The following POLN variants were observed in gnomAD, a reference collection of about 807,000 sequenced individuals.
The protein encoded by POLN is DNA polymerase nu.
In POLN, 108 loss-of-function variants were observed where a neutral mutation model predicts 113.5. The ratio of observed to expected loss-of-function variants is 0.95; its 90% CI spans 0.81 to 1.12. The LOEUF (loss-of-function observed/expected upper bound fraction) is 1.12. Among genes scored for constraint, POLN ranks in the 50% most tolerant of loss-of-function variants. The pLI, the probability that POLN is intolerant of heterozygous loss-of-function variation, is 0.00. For synonymous variants in POLN, 386 were observed against 391.5 expected, an observed-to-expected ratio of 0.99 and a Z score of 0.17; for missense variants, 1,097 against 1,077.1, an observed-to-expected ratio of 1.02 and a Z score of -0.26.
intron 16 of POLN, among the ~76,000 whole-genome samples, chr4:2,138,214 T>C (rs1368478721): frequency 6.6e-6 from 1 of 152,178 alleles, no homozygotes; most frequent in African/African-American, 2.4e-5. Context: ...ATCTGTTGAA[T>C]GAATGATGAT....
Position 2,193,313 on chromosome 4 carries a change from G to A in POLN, c.912C>T (p.Asn304=), listed in dbSNP as rs755669567. 6 of 1,568,070 alleles carry A rather than the reference G, an allele frequency of 3.8e-6. No individual in the cohort carries two copies. The highest frequency in any genetic ancestry group is 2.8e-5 in the African/African-American group (2 of 71,752). The change falls in exon 7 of 26, where the codon AAC becomes AAT. Residue 304 remains asparagine (N), a synonymous_variant. Coordinates refer to ENST00000511885, the MANE Select transcript of POLN (RefSeq NM_181808.4). ...EQEAHQQFAR[N]VLFQTMKCKC... Reference sequence around the variant, plus strand: ...TACATTTCATTGTTTGAAATAGCACGTTCCTAGAAGATGAAAAGAAATTCA... The same window carrying A: ...TACATTTCATTGTTTGAAATAGCACATTCCTAGAAGATGAAAAGAAATTCA...
At chr4:2,238,637 T>C (rs1734851667) in intron 2 of POLN, 1 of 1,607,938 alleles carries the variant, frequency 6.2e-7, no homozygotes, top group Non-Finnish European at 8.5e-7. Context: ...ATCAATGGTA[T>C]TCCTTGGATT....
chr4:2,085,132 A>G (rs1421124007), intron 21 of POLN, among the ~76,000 whole-genome samples: 2 of 152,218 alleles, frequency 1.3e-5, no homozygotes, highest in Non-Finnish European at 2.9e-5. Flanking sequence ...TATTAGGAGT[A>G]TCATCAACTT....
intron 19 of POLN, among the ~76,000 whole-genome samples, chr4:2,121,450 A>G (rs56032649): frequency 8.3e-6 from 1 of 120,388 alleles, no homozygotes; most frequent in African/African-American, 3.0e-5. Flanking sequence ...AAAAAAAAAA[A>G]AAATATATAT....
chr4:2,145,967 T>C (rs371460562), intron 16 of POLN, among the ~76,000 whole-genome samples: 4 of 152,010 alleles, frequency 2.6e-5, no homozygotes, highest in African/African-American at 9.7e-5. Flanking sequence ...CACAGATAAA[T>C]CTCAAAAACA....
chr4:2,209,277 C>T (rs539949063), intron 4 of POLN, among the ~76,000 whole-genome samples: 5 of 151,868 alleles, frequency 3.3e-5, no homozygotes, highest in South Asian at 2.1e-4. Context: ...GTCAACAGTT[C>T]GAGACCATCC....
rs1316931041 is a variant in POLN, at chr4:2,208,072, T to A, written c.629A>T (p.Gln210Leu). The A allele has an allele frequency of 6.2e-7, 1 of 1,614,240 alleles. No homozygotes were observed. The highest frequency in any genetic ancestry group is 8.5e-7 in the Non-Finnish European group (1 of 1,180,028). Residue 210 changes from glutamine (Q) to leucine (L), a missense_variant, in exon 5 of 26, where the codon CAG becomes CTG. Coordinates refer to ENST00000511885, the MANE Select transcript of POLN (RefSeq NM_181808.4). ...TGCCTGTTTGAGCATTTCAATCAGC[T>A]GGCTTTTTGCCCAATCATCCAAATG... is the stretch of plus-strand genomic sequence containing the variant. ...IRHLDDWAKS[Q>L]LIEMLKQAAA... is the part of the protein sequence containing the mutation.
intron 19 of POLN, among the ~76,000 whole-genome samples, chr4:2,125,067 C>T (rs778412777): frequency 6.6e-6 from 1 of 152,094 alleles, no homozygotes; most frequent in Non-Finnish European, 1.5e-5. Flanking sequence ...GGTTTTTTGT[C>T]CCCCAGTAGA....
intron 13 of POLN, among the ~76,000 whole-genome samples, chr4:2,166,724 C>T (rs1196101675): frequency 6.6e-6 from 1 of 152,132 alleles, no homozygotes; most frequent in Non-Finnish European, 1.5e-5. Context: ...TCCAGACTCT[C>T]CCGTGTTTGG....
At chr4:2,150,280 T>C (rs1179554243) in intron 16 of POLN, among the ~76,000 whole-genome samples, 1 of 152,056 alleles carries the variant, frequency 6.6e-6, no homozygotes, top group Non-Finnish European at 1.5e-5. Flanking sequence ...TCCAAAATTA[T>C]TCTAACATTT....
chr4:2,222,413 G>A (rs149705706), intron 3 of POLN, among the ~76,000 whole-genome samples: 37 of 152,080 alleles, frequency 2.4e-4, no homozygotes, highest in African/African-American at 7.2e-4. Context: ...AAAACTAGCC[G>A]GGCATGCACA....
At chr4:2,131,509 T>C (rs868433658) in intron 16 of POLN, among the ~76,000 whole-genome samples, 11 of 152,232 alleles carry the variant, frequency 7.2e-5, no homozygotes, top group Middle Eastern at 3.2e-3. Flanking sequence ...ACAATTCCTT[T>C]TGACTCTAGC....
chr4:2,230,702 T>G (rs988362239), intron 2 of POLN: 6 of 152,032 alleles, frequency 3.9e-5, no homozygotes, highest in Non-Finnish European at 8.8e-5. Flanking sequence ...CCAAAACATG[T>G]AGTTTTTAGA....
At chr4:2,219,629 G>A (rs1225140746) in intron 3 of POLN, among the ~76,000 whole-genome samples, 1 of 152,100 alleles carries the variant, frequency 6.6e-6, no homozygotes, top group Non-Finnish European at 1.5e-5. Flanking sequence ...TCCCTCATCA[G>A]CTTTCATTAT....
At chr4:2,103,399 T>C (rs1730974398) in intron 19 of POLN, among the ~76,000 whole-genome samples, 1 of 151,890 alleles carries the variant, frequency 6.6e-6, no homozygotes, top group African/African-American at 2.4e-5. Context: ...TGGAATCCAC[T>C]AAGAAAAATT....
chr4:2,099,648 G>A (rs1190795768), intron 19 of POLN, among the ~76,000 whole-genome samples: 2 of 152,208 alleles, frequency 1.3e-5, no homozygotes, highest in African/African-American at 4.8e-5. Context: ...AGCAGGGAAA[G>A]ACTGAGGAAA....
chr4:2,235,811 A>G (rs2108777880), intron 2 of POLN, among the ~76,000 whole-genome samples: 2 of 152,304 alleles, frequency 1.3e-5, no homozygotes, highest in Non-Finnish European at 2.9e-5. Context: ...AAAATAATGA[A>G]CAAATTAAGC....
intron 6 of POLN, among the ~76,000 whole-genome samples, chr4:2,197,278 T>G (rs745966336): frequency 2.0e-5 from 3 of 152,150 alleles, no homozygotes; most frequent in Non-Finnish European, 2.9e-5. Context: ...GTTCTTGTGA[T>G]CCAGTAGGAG....
chr4:2,189,302 A>G (rs1733374433), intron 7 of POLN, among the ~76,000 whole-genome samples: 1 of 152,258 alleles, frequency 6.6e-6, no homozygotes, highest in African/African-American at 2.4e-5. Context: ...ACAGACTTAC[A>G]TAGAATAAAA....
Sources: allele counts gnomAD v4.1 joint callset (sites outside exome capture counted in the v4.1 genomes callset), GRCh38; gene constraint gnomAD v4.1.1; transcripts MANE v1.5; gene names NCBI Gene and HGNC (gene_info 2026-07-23, HGNC 2026-07-21).